Variants in CCDC175 observed in about 807,000 individuals in gnomAD.
The protein encoded by CCDC175 is coiled-coil domain-containing protein 175.
CCDC175 carries 100 observed loss-of-function variants against 114.6 expected under a neutral mutation model. The observed-to-expected ratio is 0.87, with a 90% confidence interval of 0.74 to 1.03. The LOEUF is 1.03. CCDC175 is among the 50% of genes least tolerant of loss of function. The pLI is 0.00. For missense variants in CCDC175, 880 were observed against 917.8 expected (o/e 0.96, Z 0.53); for synonymous variants, 306 against 308.7 (o/e 0.99, Z 0.09).
At chr14:59,511,633 T>G (rs1892755084) in intron 18 of CCDC175, 127 bp downstream of exon 18, 2 of 548,664 alleles carry the variant, frequency 3.6e-6, no homozygotes, top group South Asian at 2.0e-5. Context: ...AGAGCTAGTG[T>G]GAATTTCCAC....
intron 8 of CCDC175, among the ~76,000 whole-genome samples, chr14:59,547,330 C>T (rs1895175603): frequency 6.6e-6 from 1 of 152,148 alleles, no homozygotes; most frequent in South Asian, 2.1e-4. Context: ...ACAGATTTAA[C>T]ACAATCCCAA....
intron 19 of CCDC175, 139 bp from the exon 20 acceptor site, chr14:59,505,454 G>T (rs986562545): frequency 2.0e-5 from 8 of 404,928 alleles, no homozygotes; most frequent in African/African-American, 1.2e-4. Context: ...GTAGGGAGGG[G>T]TGTCATGTGT....
intron 17 of CCDC175, among the ~76,000 whole-genome samples, chr14:59,518,398 G>T (rs535479838): frequency 6.6e-5 from 10 of 152,252 alleles, no homozygotes; most frequent in Admixed American, 6.5e-4. Context: ...TACAGAATGG[G>T]AGAAAATTTT....
intron 17 of CCDC175, among the ~76,000 whole-genome samples, chr14:59,514,425 T>C (rs1892942948): frequency 6.6e-6 from 1 of 151,886 alleles, no homozygotes; most frequent in Admixed American, 6.6e-5. Context: ...TGAAAAAAAA[T>C]TAGACGAATG....
intron 17 of CCDC175, among the ~76,000 whole-genome samples, chr14:59,513,034 T>C (rs967647770): frequency 3.3e-5 from 5 of 152,114 alleles, no homozygotes; most frequent in Admixed American, 6.6e-5. Context: ...AACAACCACA[T>C]AAAATTGATT....
chr14:59,572,433 A>G (rs1011676885), intron 3 of CCDC175, among the ~76,000 whole-genome samples: 2 of 152,204 alleles, frequency 1.3e-5, no homozygotes, highest in Non-Finnish European at 2.9e-5. Context: ...CAAGTTGCCT[A>G]ATTTAATTGG....
At chr14:59,517,741 C>T (rs562268458) in intron 17 of CCDC175, among the ~76,000 whole-genome samples, 165 of 152,326 alleles carry the variant, frequency 1.1e-3, no homozygotes, top group Middle Eastern at 6.8e-3. Context: ...AACAGCCATA[C>T]TGCCCAAGGT....
At chr14:59,544,847 TTC>T (rs1895010730) in intron 9 of CCDC175, among the ~76,000 whole-genome samples, 1 of 152,100 alleles carries the variant, frequency 6.6e-6, no homozygotes. Flanking sequence ...AGACAGCATG[TTC>T]TCTCTCCACC....
At chr14:59,511,671 G>A in intron 18 of CCDC175, 89 bp downstream of exon 18, 1 of 1,090,356 alleles carries the variant, frequency 9.2e-7, no homozygotes, top group Non-Finnish European at 1.3e-6. Context: ...GGTGCACACA[G>A]ACACAAAAGC....
intron 8 of CCDC175, among the ~76,000 whole-genome samples, chr14:59,547,423 G>T (rs1052033417): frequency 3.3e-5 from 5 of 152,164 alleles, no homozygotes; most frequent in African/African-American, 1.2e-4. Flanking sequence ...AAGAACAAAG[G>T]TGAAGGATTT....
At chr14:59,532,534 T>C (rs1244917190) in intron 13 of CCDC175, among the ~76,000 whole-genome samples, 2 of 152,206 alleles carry the variant, frequency 1.3e-5, no homozygotes, top group Non-Finnish European at 2.9e-5. Context: ...ATATTAGGGC[T>C]CCTGAGTTTC....
At chr14:59,527,281 A>C in intron 14 of CCDC175, 107 bp from the exon 15 acceptor site, 1 of 592,986 alleles carries the variant, frequency 1.7e-6, no homozygotes, top group East Asian at 3.1e-5. Flanking sequence ...GGTTTATAAC[A>C]AAAACCAACT....
chr14:59,516,408 C>T (rs932104186), intron 17 of CCDC175, among the ~76,000 whole-genome samples: 53 of 151,838 alleles, frequency 3.5e-4, no homozygotes, highest in African/African-American at 1.1e-3. Flanking sequence ...TCAACAAAAT[C>T]GATAGATTGC....
chr14:59,559,033 T>G (rs1376556027), intron 7 of CCDC175, among the ~76,000 whole-genome samples: 3 of 152,138 alleles, frequency 2.0e-5, no homozygotes, highest in African/African-American at 7.2e-5. Context: ...ATTTGAGAAC[T>G]TTCAGGAATT....
intron 8 of CCDC175, among the ~76,000 whole-genome samples, chr14:59,546,536 G>A (rs17255891): frequency 0.063 from 9,524 of 152,248 alleles, 396 homozygotes; most frequent in Middle Eastern, 0.11. Flanking sequence ...AATCCAGAGC[G>A]GTAAGGCTAG....
At chr14:59,532,714 G>A (rs1387208976) in intron 13 of CCDC175, among the ~76,000 whole-genome samples, 2 of 152,160 alleles carry the variant, frequency 1.3e-5, no homozygotes, top group Non-Finnish European at 2.9e-5. Context: ...CTGGCCAGAG[G>A]AGAATGAGAA....
At chr14:59,569,631 G>C (rs1301826107) in intron 3 of CCDC175, among the ~76,000 whole-genome samples, 1 of 152,080 alleles carries the variant, frequency 6.6e-6, no homozygotes, top group Non-Finnish European at 1.5e-5. Flanking sequence ...TTCTACCTTT[G>C]GTGTAGATTC....
In CCDC175 at chr14:59,565,110, T is replaced by C. The variant is rs547578123; in HGVS notation, c.657A>G (p.Ala219=). The stretch of plus-strand genomic sequence containing the variant: ...CCCTTTCTTTTTCCATTAGCTCCTC[T>C]GCCTCTTGAATACATTTTTTTTGCA... ...IALQKKCIQE[A]EELMEKERAE... is the part of the protein sequence containing the mutation. Residue 219 remains alanine, a synonymous_variant, in exon 5 of 20, where the codon GCA becomes GCG. Transcript: ENST00000537690. The C allele has an allele frequency of 7.2e-6, 11 of 1,537,886 alleles. No homozygotes were observed. The African/African-American group carries it at 8.2e-5, about 11-fold the overall frequency.
At position 59,555,158 on chromosome 14, in the gene CCDC175, CA is replaced by C. The variant is rs977158840; in HGVS notation, c.954-3723del. Among the ~76,000 whole-genome samples the C allele has an allele frequency of 2.6e-5, 4 of 151,898 alleles. No individual in the cohort carries two copies. The East Asian group carries it at 7.7e-4, about 29-fold the overall frequency. ...ATACCAAAGCCTGGCAGAGACACAACAAAAAAAGAGAATTTTAGACCAATAT... is the reference window on the plus strand; with the variant it reads ...ATACCAAAGCCTGGCAGAGACACAACAAAAAAGAGAATTTTAGACCAATAT... On this transcript the variant is annotated intron_variant, in intron 7 of 19. Coordinates refer to ENST00000537690, the MANE Select transcript of CCDC175 (RefSeq NM_001164399.2).
Sources: gnomAD v4.1 joint callset for allele counts (sites outside exome capture counted in the v4.1 genomes callset) on GRCh38, gnomAD v4.1.1 for gene constraint, MANE v1.5 for transcripts, NCBI Gene and HGNC (gene_info 2026-07-23, HGNC 2026-07-21) for gene names.